Variants in B3GALT1 observed in about 807,000 individuals in gnomAD.
B3GALT1 encodes the protein UDP-Gal:betaGlcNAc beta 1,3-galactosyltransferase, polypeptide 1.
B3GALT1 carries 10 observed loss-of-function variants against 23.2 expected under a neutral mutation model. That is an observed-to-expected ratio of 0.43 (90% CI 0.27 to 0.73). B3GALT1 has a LOEUF of 0.73. Ranked by LOEUF, B3GALT1 falls within the 30% of genes least tolerant of loss-of-function variation. The probability of loss-of-function intolerance (pLI) is 0.21; values close to 1 mark genes in which losing one functional copy is unlikely to be tolerated. For missense variants in B3GALT1, 299 were observed against 405.4 expected (o/e 0.74, Z 2.25); for synonymous variants, 156 against 141.5 (o/e 1.10, Z -0.73).
Position 167,501,332 on chromosome 2 carries a change from A to G in B3GALT1, c.-410+11055A>G, listed in dbSNP as rs575538220. On this transcript the variant is annotated intron_variant, in intron 2 of 4. Transcript: ENST00000392690. Reference sequence around the variant, plus strand: ...AATAAAAAATGTGTATTAACTCAGTATTTAAAAATATATTAATATCACTTT... The same window carrying G: ...AATAAAAAATGTGTATTAACTCAGTGTTTAAAAATATATTAATATCACTTT... Among the ~76,000 whole-genome samples, 28 of 152,148 alleles carry G rather than the reference A, an allele frequency of 1.8e-4. No individual in the cohort carries two copies. The South Asian group carries it at 5.0e-3, about 27-fold the overall frequency.
At chr2:167,734,114 G>C (rs1687455241) in intron 3 of B3GALT1, among the ~76,000 whole-genome samples, 1 of 152,078 alleles carries the variant, frequency 6.6e-6, no homozygotes, top group East Asian at 1.9e-4. Flanking sequence ...GAATTAACGG[G>C]TTTATTGACA....
chr2:167,499,532 T>C (rs1164488193), intron 2 of B3GALT1, among the ~76,000 whole-genome samples: 1 of 152,214 alleles, frequency 6.6e-6, no homozygotes, highest in East Asian at 1.9e-4. Flanking sequence ...TGAATTTCTA[T>C]ATTTGATGGC....
chr2:167,330,560 T>C (rs1696957775), intron 1 of B3GALT1, among the ~76,000 whole-genome samples: 1 of 152,298 alleles, frequency 6.6e-6, no homozygotes. Context: ...CAGTGAGCCA[T>C]GATCACACCA....
intron 1 of B3GALT1, among the ~76,000 whole-genome samples, chr2:167,390,990 G>A (rs972822367): frequency 2.0e-5 from 3 of 152,104 alleles, no homozygotes; most frequent in African/African-American, 7.2e-5. Flanking sequence ...AATAAGACAG[G>A]TCTATATTTA....
chr2:167,469,041 G>T (rs1341877616), intron 1 of B3GALT1, among the ~76,000 whole-genome samples: 1 of 152,196 alleles, frequency 6.6e-6, no homozygotes, highest in African/African-American at 2.4e-5. Flanking sequence ...ACATGGTTGT[G>T]TATGAAGGTG....
At chr2:167,324,767 T>G (rs1156743668) in intron 1 of B3GALT1, among the ~76,000 whole-genome samples, 1 of 152,104 alleles carries the variant, frequency 6.6e-6, no homozygotes, top group African/African-American at 2.4e-5. Context: ...TCGTGTTAAC[T>G]GTAGTCCCCC....
At chr2:167,625,952 T>C (rs1685334270) in intron 2 of B3GALT1, among the ~76,000 whole-genome samples, 1 of 19,706 alleles carries the variant, frequency 5.1e-5, no homozygotes, top group East Asian at 5.2e-4. Flanking sequence ...CATATATATA[T>C]ATATATATAT....
At chr2:167,323,869 A>G (rs1275880345) in intron 1 of B3GALT1, among the ~76,000 whole-genome samples, 2 of 151,576 alleles carry the variant, frequency 1.3e-5, no homozygotes, top group Non-Finnish European at 3.0e-5. Context: ...GAGGAGTTGT[A>G]CTTGTCCACT....
At chr2:167,779,629 G>A (rs1395756117) in intron 3 of B3GALT1, among the ~76,000 whole-genome samples, 1 of 152,100 alleles carries the variant, frequency 6.6e-6, no homozygotes, top group South Asian at 2.1e-4. Context: ...ATGCTCTGAC[G>A]GACTATTAGT....
At chr2:167,507,874 T>A (rs1229177176) in intron 2 of B3GALT1, among the ~76,000 whole-genome samples, 1 of 152,220 alleles carries the variant, frequency 6.6e-6, no homozygotes, top group African/African-American at 2.4e-5. Context: ...CAGGCTGCTG[T>A]AATGAGGTGC....
At chr2:167,389,370 C>A (rs1265752362) in intron 1 of B3GALT1, among the ~76,000 whole-genome samples, 1 of 152,130 alleles carries the variant, frequency 6.6e-6, no homozygotes, top group Non-Finnish European at 1.5e-5. Flanking sequence ...TAATTGGGCC[C>A]AGGTGATTAT....
chr2:167,638,075 T>C (rs1685589830), intron 2 of B3GALT1, among the ~76,000 whole-genome samples: 1 of 152,088 alleles, frequency 6.6e-6, no homozygotes, highest in Non-Finnish European at 1.5e-5. Context: ...TCTTTGGATA[T>C]AGAATAAGAC....
In B3GALT1 at chr2:167,304,919, G is replaced by A. The variant is rs1004775160; in HGVS notation, c.-511+11585G>A. Among the ~76,000 whole-genome samples the A allele has an allele frequency of 6.6e-5, 10 of 152,234 alleles. 1 individual carries two copies. The highest frequency in any genetic ancestry group is 5.2e-4 in the Admixed American group (8 of 15,278). ...AGATCTAAGAACATCAGTGTCCAAG[G>A]ACGGGAGAAGATAGCTGTCCCACCT... On this transcript the variant is annotated intron_variant, in intron 1 of 4. Transcript: ENST00000392690.
At chr2:167,799,591 C>G (rs1688602827) in intron 3 of B3GALT1, among the ~76,000 whole-genome samples, 2 of 152,196 alleles carry the variant, frequency 1.3e-5, no homozygotes, top group Admixed American at 1.3e-4. Context: ...TTTTACTATA[C>G]TAACTTTTCC....
intron 2 of B3GALT1, among the ~76,000 whole-genome samples, chr2:167,560,399 A>G (rs1330817091): frequency 6.6e-6 from 1 of 152,188 alleles, no homozygotes. Flanking sequence ...TGCATCAACT[A>G]ACAAGCAAAA....
At chr2:167,459,102 T>C (rs1235422180) in intron 1 of B3GALT1, among the ~76,000 whole-genome samples, 1 of 152,178 alleles carries the variant, frequency 6.6e-6, no homozygotes, top group African/African-American at 2.4e-5. Flanking sequence ...ATTATTTCAT[T>C]TACATTTAAA....
chr2:167,537,566 G>A (rs1184675364), intron 2 of B3GALT1, among the ~76,000 whole-genome samples: 2 of 152,022 alleles, frequency 1.3e-5, no homozygotes, highest in Admixed American at 6.6e-5. Flanking sequence ...AATAATCCAC[G>A]TAGATGCTGA....
chr2:167,384,056 T>A (rs926089065), intron 1 of B3GALT1, among the ~76,000 whole-genome samples: 1 of 152,236 alleles, frequency 6.6e-6, no homozygotes, highest in Non-Finnish European at 1.5e-5. Context: ...GAGCACCAGT[T>A]ACTTCAGTAA....
intron 1 of B3GALT1, among the ~76,000 whole-genome samples, chr2:167,386,910 C>T (rs982252383): frequency 2.1e-4 from 32 of 152,166 alleles, no homozygotes; most frequent in African/African-American, 6.5e-4. Context: ...TGGATGAAGT[C>T]GAAGCTGCGT....
Sources: gnomAD v4.1 joint callset for allele counts (sites outside exome capture counted in the v4.1 genomes callset) on GRCh38, gnomAD v4.1.1 for gene constraint, MANE v1.5 for transcripts, NCBI Gene and HGNC (gene_info 2026-07-23, HGNC 2026-07-21) for gene names.